The following SOCS5 variants were observed in gnomAD, a reference collection of about 807,000 sequenced individuals.
SOCS5 encodes CIS-6.
Under a neutral mutation model 42.8 loss-of-function variants are expected in SOCS5, and 32 were observed. That is an observed-to-expected ratio of 0.75 (90% CI 0.56 to 1.01). The LOEUF is 1.01. Among genes scored for constraint, SOCS5 ranks in the 50% least tolerant of loss-of-function variants. The pLI, the probability that SOCS5 is intolerant of heterozygous loss-of-function variation, is 0.00. For missense variants in SOCS5, 627 were observed against 653.0 expected (o/e 0.96, Z 0.43); for synonymous variants, 283 against 229.6 (o/e 1.23, Z -2.10).
At chr2:46,757,045 A>AT (rs1394310588) in intron 1 of SOCS5, among the ~76,000 whole-genome samples, 16 of 152,358 alleles carry the variant, frequency 1.1e-4, no homozygotes, top group African/African-American at 3.8e-4. Flanking sequence ...TTAATAAAGA[A>AT]TTAAATCATC....
chr2:46,721,402 G>A (rs1336887214), intron 1 of SOCS5, among the ~76,000 whole-genome samples: 1 of 152,034 alleles, frequency 6.6e-6, no homozygotes. Context: ...TAATTAACTT[G>A]ACTAGTAGGT....
At chr2:46,748,468 T>A (rs968395838) in intron 1 of SOCS5, among the ~76,000 whole-genome samples, 111 of 152,290 alleles carry the variant, frequency 7.3e-4, no homozygotes, top group African/African-American at 2.6e-3. Flanking sequence ...ATTATAAGCA[T>A]GAGCCACTGT....
intron 1 of SOCS5, among the ~76,000 whole-genome samples, chr2:46,728,693 C>CT (rs1276305969): frequency 1.3e-5 from 2 of 152,118 alleles, no homozygotes; most frequent in African/African-American, 4.8e-5. Context: ...ATAGCTGGGA[C>CT]TACAAGTGTG....
intron 1 of SOCS5, among the ~76,000 whole-genome samples, chr2:46,713,583 C>A (rs563269790): frequency 6.6e-6 from 1 of 152,004 alleles, no homozygotes; most frequent in East Asian, 1.9e-4. Context: ...AAAGGAATAT[C>A]AATTTCATAA....
chr2:46,734,233 C>T (rs984754354), intron 1 of SOCS5, among the ~76,000 whole-genome samples: 3 of 151,994 alleles, frequency 2.0e-5, no homozygotes, highest in Non-Finnish European at 4.4e-5. Context: ...AAATATTATA[C>T]AGTCATTGCA....
At chr2:46,750,140 T>C (rs546040085) in intron 1 of SOCS5, among the ~76,000 whole-genome samples, 1 of 152,282 alleles carries the variant, frequency 6.6e-6, no homozygotes, top group Non-Finnish European at 1.5e-5. Context: ...CTGGAATTCA[T>C]CCTTTCTGCT....
At chr2:46,727,884 C>G (rs1355927896) in intron 1 of SOCS5, among the ~76,000 whole-genome samples, 1 of 152,162 alleles carries the variant, frequency 6.6e-6, no homozygotes, top group Non-Finnish European at 1.5e-5. Flanking sequence ...TTCTACTCTG[C>G]TCACTTCCTG....
intron 1 of SOCS5, among the ~76,000 whole-genome samples, chr2:46,709,924 C>G (rs1672579403): frequency 6.6e-6 from 1 of 152,146 alleles, no homozygotes; most frequent in Non-Finnish European, 1.5e-5. Context: ...AATTCTTAAA[C>G]TTTCCTAGAC....
intron 1 of SOCS5, among the ~76,000 whole-genome samples, chr2:46,734,128 C>T (rs1404714266): frequency 6.6e-6 from 1 of 152,066 alleles, no homozygotes; most frequent in African/African-American, 2.4e-5. Context: ...AGTAATTTGT[C>T]TCTGATACTT....
chr2:46,756,046 G>A (rs72882819), intron 1 of SOCS5, among the ~76,000 whole-genome samples: 2,443 of 152,230 alleles, frequency 0.016, 59 homozygotes, highest in African/African-American at 0.056. Flanking sequence ...GAACCAGGGG[G>A]TTCAGTGTTA....
Position 46,760,051 on chromosome 2 carries a change from C to T in SOCS5, c.1521C>T (p.Pro507=). The change falls in exon 2 of 2, where the codon CCC becomes CCT. Residue 507 remains proline (P), a synonymous_variant. Coordinates refer to ENST00000394861, the MANE Select transcript of SOCS5 (RefSeq NM_144949.3). ...ATGGAATTGATGGGCTCCCTCTACC[C>T]TCAATGTTACAGGATTTTTTAAAAG... is the stretch of plus-strand genomic sequence containing the variant. ...TYDGIDGLPL[P]SMLQDFLKEY... is the part of the protein sequence containing the mutation. 1 of 1,613,608 alleles carries T rather than the reference C, an allele frequency of 6.2e-7. No individual in the cohort carries two copies. Among genetic ancestry groups the T allele is most frequent in the Middle Eastern group, 1.6e-4 (1 of 6,062 alleles).
chr2:46,724,386 G>A (rs1398933274), intron 1 of SOCS5, among the ~76,000 whole-genome samples: 1 of 152,008 alleles, frequency 6.6e-6, no homozygotes, highest in Non-Finnish European at 1.5e-5. Flanking sequence ...CATTAAGCAT[G>A]ACGTTAGCTG....
chr2:46,746,926 T>TC (rs1162173228), intron 1 of SOCS5, among the ~76,000 whole-genome samples: 7 of 115,746 alleles, frequency 6.0e-5, no homozygotes, highest in Admixed American at 2.5e-4. Context: ...TTATTTCTTT[T>TC]TTTTTTTTTT....
intron 1 of SOCS5, among the ~76,000 whole-genome samples, chr2:46,702,533 C>A (rs1025393967): frequency 6.6e-6 from 1 of 152,144 alleles, no homozygotes; most frequent in African/African-American, 2.4e-5. Context: ...GTACTAGAGA[C>A]CTGCTGGGTA....
chr2:46,753,348 T>C (rs1052933723), intron 1 of SOCS5, among the ~76,000 whole-genome samples: 8 of 152,222 alleles, frequency 5.3e-5, no homozygotes, highest in African/African-American at 1.7e-4. Flanking sequence ...CTGGTACTAC[T>C]ACAAATTTTA....
chr2:46,703,955 A>C (rs1014034960), intron 1 of SOCS5, among the ~76,000 whole-genome samples: 2 of 152,154 alleles, frequency 1.3e-5, no homozygotes, highest in African/African-American at 4.8e-5. Flanking sequence ...CATCTTAGTG[A>C]CCTGAAAATT....
At chr2:46,732,473 C>G (rs1021949270) in intron 1 of SOCS5, among the ~76,000 whole-genome samples, 3 of 152,164 alleles carry the variant, frequency 2.0e-5, no homozygotes, top group African/African-American at 7.2e-5. Context: ...CCAGAAAACT[C>G]CTATGTAGTT....
chr2:46,702,311 G>T (rs1327462864), intron 1 of SOCS5, among the ~76,000 whole-genome samples: 1 of 152,068 alleles, frequency 6.6e-6, no homozygotes, highest in Non-Finnish European at 1.5e-5. Context: ...CTTTGGTAAG[G>T]GGGTACTTGG....
chr2:46,722,505 A>G (rs927856168), intron 1 of SOCS5, among the ~76,000 whole-genome samples: 7 of 152,268 alleles, frequency 4.6e-5, no homozygotes, highest in African/African-American at 1.7e-4. Context: ...GTATGTATCA[A>G]TGGTTGATTC....
Sources: allele counts gnomAD v4.1 joint callset (sites outside exome capture counted in the v4.1 genomes callset), GRCh38; gene constraint gnomAD v4.1.1; transcripts MANE v1.5; gene names NCBI Gene and HGNC (gene_info 2026-07-23, HGNC 2026-07-21).